ADCY8: variants seen among roughly 807,000 people sequenced by gnomAD.
The protein encoded by ADCY8 is adenylate cyclase type 8.
Under a neutral mutation model 119.7 loss-of-function variants are expected in ADCY8, and 51 were observed. The observed-to-expected ratio is 0.43, with a 90% CI of 0.34 to 0.54. The LOEUF (loss-of-function observed/expected upper bound fraction) is 0.54, where lower values mean the gene tolerates loss of function less well. Among genes scored for constraint, ADCY8 ranks in the 20% least tolerant of loss-of-function variants. The pLI is 0.03. For missense variants in ADCY8, 1,383 were observed against 1,598.8 expected (o/e 0.87, Z 2.30); for synonymous variants, 665 against 651.0 (o/e 1.02, Z -0.33).
chr8:130,922,738 G>A (rs183727074), intron 5 of ADCY8, among the ~76,000 whole-genome samples: 14 of 152,274 alleles, frequency 9.2e-5, no homozygotes, highest in African/African-American at 2.9e-4. Context: ...CCTCGCAGAC[G>A]GGGTGGTGGC....
At chr8:130,829,725 A>G (rs1816772752) in intron 12 of ADCY8, among the ~76,000 whole-genome samples, 2 of 152,228 alleles carry the variant, frequency 1.3e-5, no homozygotes, top group Admixed American at 1.3e-4. Flanking sequence ...GGTAGTCATG[A>G]AAGGATTAAT....
intron 5 of ADCY8, among the ~76,000 whole-genome samples, chr8:130,914,700 A>G (rs889983028): frequency 2.1e-4 from 32 of 152,198 alleles, no homozygotes; most frequent in African/African-American, 7.0e-4. Flanking sequence ...ACTCCTAGCG[A>G]CAAGTCTTGT....
intron 1 of ADCY8, among the ~76,000 whole-genome samples, chr8:130,993,822 G>T (rs866381284): frequency 6.6e-6 from 1 of 152,026 alleles, no homozygotes; most frequent in African/African-American, 2.4e-5. Flanking sequence ...TCATGAAAAC[G>T]GACTAATACA....
At chr8:130,970,508 A>G in intron 2 of ADCY8, among the ~76,000 whole-genome samples, 1 of 152,200 alleles carries the variant, frequency 6.6e-6, no homozygotes, top group East Asian at 1.9e-4. Flanking sequence ...GACTCATATA[A>G]TTATTTCATT....
chr8:130,884,482 G>C, intron 8 of ADCY8, 82 bp downstream of exon 8: 1 of 1,450,740 alleles, frequency 6.9e-7, no homozygotes, highest in South Asian at 1.2e-5. Flanking sequence ...CAAAACCACA[G>C]CCCCTGGGCT....
At chr8:130,906,221 G>A (rs920071353) in intron 6 of ADCY8, among the ~76,000 whole-genome samples, 8 of 152,158 alleles carry the variant, frequency 5.3e-5, no homozygotes, top group African/African-American at 1.7e-4. Flanking sequence ...ATAACAGATC[G>A]TTTGACCTTC....
chr8:130,903,909 C>T lies in ADCY8; in HGVS notation c.1774G>A (p.Asp592Asn), dbSNP rs1819691852. The change falls in exon 7 of 18, where the codon GAC becomes AAC. Residue 592 changes from aspartate to asparagine, a missense_variant. By Grantham distance (23) the Asp-to-Asn change is conservative. This residue lies in a region of ADCY8 where 928 missense variants were observed against 1,163.5 expected (regional missense o/e 0.80). Transcript: ENST00000286355. ...IETYLIKQPE[D>N]SLLSLPEDIV... Reference sequence around the variant, plus strand: ...TCTTCAGGCAAGGACAGCAGACTGTCCTCAGGCTGCTTAATTAAGTAAGTT... The same window carrying T: ...TCTTCAGGCAAGGACAGCAGACTGTTCTCAGGCTGCTTAATTAAGTAAGTT... 1 of 1,614,118 alleles carries T rather than the reference C, an allele frequency of 6.2e-7. No individual in the cohort carries two copies. Among genetic ancestry groups the T allele is most frequent in the East Asian group, 2.2e-5 (1 of 44,856 alleles).
chr8:130,826,219 A>G (rs913320562), intron 12 of ADCY8, among the ~76,000 whole-genome samples: 2 of 152,200 alleles, frequency 1.3e-5, no homozygotes, highest in Non-Finnish European at 2.9e-5. Context: ...CACTCACATC[A>G]AAAGGTTATC....
chr8:131,020,279 C>A (rs1823623368), intron 1 of ADCY8, among the ~76,000 whole-genome samples: 1 of 152,060 alleles, frequency 6.6e-6, no homozygotes, highest in Admixed American at 6.5e-5. Flanking sequence ...TAGAAGGGGG[C>A]AAAAGTGGAT....
intron 1 of ADCY8, among the ~76,000 whole-genome samples, chr8:131,023,762 T>C (rs1823744878): frequency 6.6e-6 from 1 of 152,170 alleles, no homozygotes; most frequent in African/African-American, 2.4e-5. Context: ...CCCAAGGAGA[T>C]CAATTTTATT....
intron 1 of ADCY8, among the ~76,000 whole-genome samples, chr8:131,010,256 A>T (rs76760960): frequency 2.6e-5 from 4 of 152,162 alleles, no homozygotes; most frequent in African/African-American, 9.7e-5. Context: ...AATAATTCTT[A>T]TTAGTATCAA....
chr8:131,018,246 C>T (rs1407369942), intron 1 of ADCY8, among the ~76,000 whole-genome samples: 1 of 152,154 alleles, frequency 6.6e-6, no homozygotes, highest in African/African-American at 2.4e-5. Flanking sequence ...TCTTTCCCCT[C>T]CTTTTGTTAA....
intron 1 of ADCY8, among the ~76,000 whole-genome samples, chr8:131,038,033 C>G (rs549694118): frequency 6.6e-6 from 1 of 152,170 alleles, no homozygotes; most frequent in African/African-American, 2.4e-5. Context: ...CCCAGAGAGA[C>G]TTCAGAAAGC....
chr8:130,956,483 G>A lies in ADCY8; in HGVS notation c.1111-4485C>T, dbSNP rs1418956520. ...GGTAAATCTCATTTCCGTGGTGAAG[G>A]GGATTAGTCACTACCTCCAAAAGCA... On this transcript the variant is annotated intron_variant, in intron 2 of 17. Coordinates refer to ENST00000286355, the MANE Select transcript of ADCY8 (RefSeq NM_001115.3). Among the ~76,000 whole-genome samples the A allele has an allele frequency of 2.6e-5, 4 of 152,266 alleles. No homozygotes were observed. In the East Asian group the frequency reaches 7.7e-4, roughly 29 times the overall value.
At chr8:130,880,583 G>A (rs1401135756) in intron 8 of ADCY8, among the ~76,000 whole-genome samples, 2 of 152,166 alleles carry the variant, frequency 1.3e-5, no homozygotes, top group Admixed American at 6.6e-5. Context: ...GGAAATGTGG[G>A]AAGAGCTGAA....
At chr8:130,919,909 G>A (rs1308397283) in intron 5 of ADCY8, among the ~76,000 whole-genome samples, 1 of 152,144 alleles carries the variant, frequency 6.6e-6, no homozygotes, top group Non-Finnish European at 1.5e-5. Context: ...ACCTGGATTA[G>A]TCCTTATGGT....
intron 7 of ADCY8, among the ~76,000 whole-genome samples, chr8:130,901,160 G>A (rs901102807): frequency 3.3e-5 from 5 of 151,750 alleles, no homozygotes; most frequent in South Asian, 2.1e-4. Context: ...TAAGTGAAAC[G>A]GATATAATTT....
At chr8:130,914,564 A>G (rs915769619) in intron 5 of ADCY8, among the ~76,000 whole-genome samples, 13 of 152,242 alleles carry the variant, frequency 8.5e-5, no homozygotes, top group African/African-American at 3.1e-4. Flanking sequence ...ATTTACAGAC[A>G]TTGATACTCA....
At chr8:130,875,251 T>C (rs1010631437) in intron 8 of ADCY8, among the ~76,000 whole-genome samples, 9 of 152,220 alleles carry the variant, frequency 5.9e-5, no homozygotes, top group African/African-American at 2.2e-4. Flanking sequence ...TCCCGAAGCC[T>C]CTTTGAAACC....
Sources: allele counts gnomAD v4.1 joint callset (sites outside exome capture counted in the v4.1 genomes callset), GRCh38; gene constraint gnomAD v4.1.1; regional missense constraint gnomAD v4.1.1; transcripts MANE v1.5; gene names NCBI Gene and HGNC (gene_info 2026-07-23, HGNC 2026-07-21).